Variants in TENM2 observed in about 807,000 individuals in gnomAD.
TENM2 encodes the protein teneurin transmembrane protein 2.
TENM2 carries 52 observed loss-of-function variants against 245.2 expected under a neutral mutation model. The observed-to-expected ratio is 0.21, with a 90% CI of 0.17 to 0.27. The LOEUF is 0.27. Among genes scored for constraint, TENM2 ranks in the 10% least tolerant of loss-of-function variants. The probability of loss-of-function intolerance (pLI) is 1.00; values close to 1 mark genes in which losing one functional copy is unlikely to be tolerated. For synonymous variants in TENM2, 1,363 were observed against 1,438.9 expected, an observed-to-expected ratio of 0.95 and a Z score of 1.19; for missense variants, 3,046 against 3,666.8, an observed-to-expected ratio of 0.83 and a Z score of 4.37.
At chr5:167,970,709 A>G (rs1189384210) in intron 4 of TENM2, among the ~76,000 whole-genome samples, 1 of 152,178 alleles carries the variant, frequency 6.6e-6, no homozygotes, top group Non-Finnish European at 1.5e-5. Context: ...TAATATCAGA[A>G]TAGTTCTGTG....
the TENM2 span, among the ~76,000 whole-genome samples, chr5:167,101,508 A>G: frequency 4.0e-5 from 6 of 151,750 alleles, no homozygotes; most frequent in Non-Finnish European, 1.5e-5. Context: ...TGACTGTGCT[A>G]CTCCATTGTC....
At chr5:167,065,286 A>G in the TENM2 span, among the ~76,000 whole-genome samples, 1 of 152,190 alleles carries the variant, frequency 6.6e-6, no homozygotes, top group Non-Finnish European at 1.5e-5. Context: ...TGATCTATTT[A>G]ATGATTGTAC....
chr5:167,769,794 T>C (rs1358861096), intron 2 of TENM2, among the ~76,000 whole-genome samples: 7 of 152,182 alleles, frequency 4.6e-5, no homozygotes, highest in Non-Finnish European at 1.0e-4. Flanking sequence ...GGCTATTGCC[T>C]ATGAATACAA....
chr5:167,158,904 C>CTTCT, the TENM2 span, among the ~76,000 whole-genome samples: 1 of 136,606 alleles, frequency 7.3e-6, no homozygotes, highest in Non-Finnish European at 1.5e-5. Context: ...TCCTTCCTTC[C>CTTCT]TTCCTCTTCC....
At chr5:168,246,735 T>C (rs1766607686) in intron 26 of TENM2, 22 bp from the exon 29 acceptor site, 2 of 1,608,710 alleles carry the variant, frequency 1.2e-6, no homozygotes, top group African/African-American at 2.7e-5. Flanking sequence ...TGATATGTTC[T>C]GTTCCCCTTT....
chr5:167,054,074 G>A, the TENM2 span, among the ~76,000 whole-genome samples: 5 of 152,080 alleles, frequency 3.3e-5, no homozygotes, highest in Non-Finnish European at 7.4e-5. Context: ...TTACATAAGG[G>A]TCCACTCTTG....
At chr5:167,484,746 T>C (rs1015995472) in intron 2 of TENM2, among the ~76,000 whole-genome samples, 2 of 152,156 alleles carry the variant, frequency 1.3e-5, no homozygotes, top group Non-Finnish European at 2.9e-5. Flanking sequence ...AAAGATCTAA[T>C]ACATGGGAAA....
At chr5:167,435,762 T>C (rs919894898) in intron 2 of TENM2, among the ~76,000 whole-genome samples, 5 of 152,054 alleles carry the variant, frequency 3.3e-5, no homozygotes, top group African/African-American at 1.2e-4. Context: ...TTGACCAAAA[T>C]GCTGATAATG....
chr5:167,409,771 TTG>T (rs143542375), intron 2 of TENM2, among the ~76,000 whole-genome samples: 1 of 151,326 alleles, frequency 6.6e-6, no homozygotes, highest in Admixed American at 6.6e-5. Flanking sequence ...GTGTGTGTGT[TTG>T]TGTGTGTGTG....
chr5:167,021,383 A>C, the TENM2 span, among the ~76,000 whole-genome samples: 1 of 152,360 alleles, frequency 6.6e-6, no homozygotes, highest in Non-Finnish European at 1.5e-5. Context: ...TAAAAATTTA[A>C]AATGCTATAA....
intron 2 of TENM2, among the ~76,000 whole-genome samples, chr5:167,654,481 T>A (rs1413921276): frequency 6.6e-6 from 1 of 152,184 alleles, no homozygotes; most frequent in African/African-American, 2.4e-5. Flanking sequence ...GAGTAACTAC[T>A]CAATACGTGT....
In TENM2 at chr5:168,244,598, G is replaced by A. The variant is rs202224064; in HGVS notation, c.5699G>A (p.Arg1900His). 189 of 1,606,186 alleles carry A rather than the reference G, an allele frequency of 1.2e-4. 1 individual carries two copies. Among genetic ancestry groups the A allele is most frequent in the Admixed American group, 1.7e-4 (10 of 59,366 alleles). Reference sequence around the variant, plus strand: ...AACGTGTCATACTTCTTCAATGGGCGCCTGGCTGGGCTTCAGCGTGGGGCC... The same window carrying A: ...AACGTGTCATACTTCTTCAATGGGCACCTGGCTGGGCTTCAGCGTGGGGCC... Residue 1900 changes from arginine (R) to histidine (H), a missense_variant, in exon 26 of 29, where the codon CGC becomes CAC. Physicochemically the swap from Arg to His is conservative, Grantham distance 29 (BLOSUM62 0). Coordinates refer to ENST00000518659, the Ensembl canonical transcript of TENM2. This position sits in a 1 kb window ranked among gnomAD's most constrained non-coding sequence, Gnocchi z 4.9.
In TENM2 at chr5:167,600,762, A is replaced by G. The variant is rs187209768; in HGVS notation, c.502+225289A>G. Among the ~76,000 whole-genome samples the G allele has an allele frequency of 1.4e-3, 214 of 152,338 alleles. 1 individual carries two copies. Among genetic ancestry groups the G allele is most frequent in the African/African-American group, 5.0e-3 (206 of 41,568 alleles). ...TAATTTCACAGTTTCCTCAACTGAT[A>G]CAGTTAGGGTTCATTTGCTCATCTG... On this transcript the variant is annotated intron_variant, in intron 2 of 28. Transcript: ENST00000518659.
rs192915660 is a variant in TENM2 at position 167,732,636 on chromosome 5, A to G, written c.503-143350A>G. ...TTCTGGCTAGAAGTGTTGGGAGGAC[A>G]AGAAAATTTCTCATTAGTGACATGT... On this transcript the variant is annotated intron_variant, in intron 2 of 28. Coordinates refer to ENST00000518659, the Ensembl canonical transcript of TENM2. Among the ~76,000 whole-genome samples the G allele has an allele frequency of 9.6e-4, 146 of 152,288 alleles. 1 individual carries two copies. The highest frequency in any genetic ancestry group is 1.7e-3 in the Non-Finnish European group (115 of 68,008).
At chr5:167,863,479 AC>A (rs1397590131) in intron 2 of TENM2, among the ~76,000 whole-genome samples, 11 of 151,470 alleles carry the variant, frequency 7.3e-5, no homozygotes, top group African/African-American at 2.4e-4. Flanking sequence ...ACACACACAC[AC>A]ACACACACAC....
At chr5:167,724,355 C>T (rs1759845040) in intron 2 of TENM2, among the ~76,000 whole-genome samples, 1 of 151,240 alleles carries the variant, frequency 6.6e-6, no homozygotes, top group South Asian at 2.1e-4. Context: ...CTCTGAATCT[C>T]TTCATGTATA....
intron 2 of TENM2, among the ~76,000 whole-genome samples, chr5:167,673,566 A>G (rs1450045476): frequency 1.3e-5 from 2 of 152,100 alleles, no homozygotes; most frequent in Non-Finnish European, 2.9e-5. Flanking sequence ...CAGGTTCAGT[A>G]TTTAGCATAC....
intron 2 of TENM2, among the ~76,000 whole-genome samples, chr5:167,677,880 T>C (rs891838912): frequency 2.0e-5 from 3 of 151,804 alleles, no homozygotes; most frequent in Non-Finnish European, 4.4e-5. Flanking sequence ...CAAGCTACTA[T>C]ACTATTTATA....
intron 13 of TENM2, among the ~76,000 whole-genome samples, chr5:168,179,149 A>AAAAAAAAG (rs1270807015): frequency 1.3e-5 from 2 of 151,814 alleles, no homozygotes; most frequent in African/African-American, 4.8e-5. Context: ...AAAAAAAAAA[A>AAAAAAAAG]AAAAAAAGAA....
Sources: gnomAD v4.1 joint callset for allele counts (sites outside exome capture counted in the v4.1 genomes callset) on GRCh38, gnomAD v4.1.1 for gene constraint, Gnocchi (gnomAD v3.1) non-coding constraint, MANE v1.5 for transcripts, NCBI Gene and HGNC (gene_info 2026-07-23, HGNC 2026-07-21) for gene names.